Variants in RETREG1 observed in about 807,000 individuals in gnomAD.
RETREG1 encodes the protein family with sequence similarity 134 member B.
Under a neutral mutation model 54.8 loss-of-function variants are expected in RETREG1, and 44 were observed. The observed-to-expected ratio is 0.80, with a 90% CI of 0.63 to 1.03. RETREG1 has a LOEUF of 1.03. RETREG1 is among the 50% of genes least tolerant of loss of function. The probability of loss-of-function intolerance (pLI) is 0.00; values close to 1 mark genes in which losing one functional copy is unlikely to be tolerated. For missense variants in RETREG1, 554 were observed against 605.1 expected (o/e 0.92, Z 0.89); for synonymous variants, 217 against 238.5 (o/e 0.91, Z 0.83).
intron 3 of RETREG1, among the ~76,000 whole-genome samples, chr5:16,555,691 C>T (rs893169367): frequency 1.3e-5 from 2 of 152,092 alleles, no homozygotes; most frequent in African/African-American, 4.8e-5. Flanking sequence ...TAAATTAGCA[C>T]TGTATTACCT....
In RETREG1 at chr5:16,481,084, G is replaced by C. The variant is rs1041379300; in HGVS notation, c.595C>G (p.Leu199Val). 6.8e-6 allele frequency: 11 copies of C among 1,610,660 alleles called. No homozygotes were observed. The Admixed American group carries it at 1.8e-4, about 27-fold the overall frequency. Residue 199 changes from leucine (L) to valine (V), a missense_variant, in exon 5 of 9, where the codon CTG becomes GTG. This residue lies in a region of RETREG1 where 347 missense variants were observed against 412.3 expected (regional missense o/e 0.84). Coordinates refer to ENST00000306320, the MANE Select transcript of RETREG1 (RefSeq NM_001034850.3). ...AAAAATGTGCACACACTACAGACCA[G>C]GAGACAAAACTGGAAATAATAGAAA... The part of the protein sequence containing the change: ...KQQSPGKFCL[L>V]VCSVCTFFTI...
At position 16,593,569 on chromosome 5, in the gene RETREG1, T is replaced by C. The variant is rs1180862098; in HGVS notation, c.321-21467A>G. Reference sequence around the variant, plus strand: ...ATCATAATAATGACAGCTTGCCAAATTGGGGGAAAAAAAAAACTATGGGGA... The same window carrying C: ...ATCATAATAATGACAGCTTGCCAAACTGGGGGAAAAAAAAAACTATGGGGA... On this transcript the variant is annotated intron_variant, in intron 1 of 8. Coordinates refer to ENST00000306320, the MANE Select transcript of RETREG1 (RefSeq NM_001034850.3). This position sits in a 1 kb window ranked among gnomAD's most constrained non-coding sequence, Gnocchi z 4.9. Among the ~76,000 whole-genome samples the C allele has an allele frequency of 6.6e-6, 1 of 151,786 alleles. No homozygotes were observed. Among genetic ancestry groups the C allele is most frequent in the Non-Finnish European group, 1.5e-5 (1 of 67,930 alleles).
chr5:16,537,658 A>C (rs976768633), intron 3 of RETREG1, among the ~76,000 whole-genome samples: 3 of 152,170 alleles, frequency 2.0e-5, no homozygotes, highest in African/African-American at 7.2e-5. Flanking sequence ...AGTTCGTACC[A>C]CTGCACTCCA....
chr5:16,605,459 A>T (rs1249270435), intron 1 of RETREG1, among the ~76,000 whole-genome samples: 1 of 152,112 alleles, frequency 6.6e-6, no homozygotes, highest in African/African-American at 2.4e-5. Flanking sequence ...TGGAATACCC[A>T]CCCAGGCATC....
chr5:16,515,136 G>T (rs1342693044), intron 3 of RETREG1, among the ~76,000 whole-genome samples: 1 of 151,920 alleles, frequency 6.6e-6, no homozygotes, highest in Non-Finnish European at 1.5e-5. Context: ...GGGATTGCTG[G>T]ATCAAATGAT....
At chr5:16,616,481 G>T in intron 1 of RETREG1, 171 bp downstream of exon 1, 1 of 1,173,254 alleles carries the variant, frequency 8.5e-7, no homozygotes, top group Non-Finnish European at 1.1e-6. Context: ...CCGGAGGAAA[G>T]TTGCGGTGAG....
At chr5:16,518,723 A>C (rs1186763563) in intron 3 of RETREG1, among the ~76,000 whole-genome samples, 1 of 152,160 alleles carries the variant, frequency 6.6e-6, no homozygotes, top group Non-Finnish European at 1.5e-5. Context: ...ATTTTTGCTC[A>C]AGTCAGAGCA....
chr5:16,543,655 G>A (rs1271504224), intron 3 of RETREG1, among the ~76,000 whole-genome samples: 7 of 145,062 alleles, frequency 4.8e-5, no homozygotes, highest in Middle Eastern at 7.4e-3. Flanking sequence ...CAGCCGGGGC[G>A]ACAGGGAGAG....
intron 3 of RETREG1, chr5:16,508,578 C>T (rs1439732529): frequency 3.1e-6 from 5 of 1,613,822 alleles, no homozygotes. Context: ...TCACAATTAC[C>T]TTTTGCCTGG....
At chr5:16,592,167 C>T (rs377594665) in intron 1 of RETREG1, among the ~76,000 whole-genome samples, 10 of 152,270 alleles carry the variant, frequency 6.6e-5, no homozygotes, top group African/African-American at 1.4e-4. Context: ...AACTTCAAGT[C>T]CACTGTACCA....
At chr5:16,503,662 CAAA>C (rs1330647063) in intron 3 of RETREG1, among the ~76,000 whole-genome samples, 1 of 91,698 alleles carries the variant, frequency 1.1e-5, no homozygotes, top group African/African-American at 4.1e-5. Context: ...GACTCCATCT[CAAA>C]AAAAAAAAAA....
intron 8 of RETREG1, among the ~76,000 whole-genome samples, chr5:16,477,067 C>T (rs1447289462): frequency 6.6e-6 from 1 of 152,138 alleles, no homozygotes; most frequent in African/African-American, 2.4e-5. Context: ...CTATCTTTCT[C>T]TCCCACATTA....
chr5:16,484,019 A>G (rs26380), intron 3 of RETREG1, among the ~76,000 whole-genome samples: 107,463 of 151,902 alleles, frequency 0.71, 38,465 homozygotes, highest in African/African-American at 0.8. Flanking sequence ...TTAAGCATAC[A>G]ATATTAAGAA....
intron 1 of RETREG1, chr5:16,616,337 T>C (rs1743507903): frequency 1.1e-5 from 4 of 355,868 alleles, no homozygotes; most frequent in East Asian, 5.9e-5. Context: ...CTCAGAGTTT[T>C]AGAAAGCAGG....
intron 1 of RETREG1, among the ~76,000 whole-genome samples, chr5:16,591,558 C>A (rs1742775404): frequency 6.6e-6 from 1 of 152,220 alleles, no homozygotes. Context: ...CCCCCTCCCA[C>A]GCCATTTACC....
At chr5:16,503,541 C>T (rs886621279) in intron 3 of RETREG1, among the ~76,000 whole-genome samples, 1 of 151,438 alleles carries the variant, frequency 6.6e-6, no homozygotes, top group South Asian at 2.1e-4. Context: ...TGGTGGCAGG[C>T]GCCTGTAATC....
At chr5:16,521,245 C>T (rs1023792882) in intron 3 of RETREG1, among the ~76,000 whole-genome samples, 3 of 152,130 alleles carry the variant, frequency 2.0e-5, no homozygotes, top group African/African-American at 7.2e-5. Flanking sequence ...ATTCTTCTCC[C>T]CTCCCATCCT....
chr5:16,503,198 A>G (rs1450523864), intron 3 of RETREG1, among the ~76,000 whole-genome samples: 1 of 152,216 alleles, frequency 6.6e-6, no homozygotes, highest in African/African-American at 2.4e-5. Flanking sequence ...CAGATATCTC[A>G]CGCAAAACAA....
intron 1 of RETREG1, among the ~76,000 whole-genome samples, chr5:16,592,813 T>C (rs1742811659): frequency 6.6e-6 from 1 of 152,014 alleles, no homozygotes; most frequent in Admixed American, 6.6e-5. Flanking sequence ...AAATAACACA[T>C]GTTCTCACTT....
Sources: allele counts gnomAD v4.1 joint callset (sites outside exome capture counted in the v4.1 genomes callset), GRCh38; gene constraint gnomAD v4.1.1; regional missense constraint gnomAD v4.1.1; non-coding constraint Gnocchi (gnomAD v3.1); transcripts MANE v1.5; gene names NCBI Gene and HGNC (gene_info 2026-07-23, HGNC 2026-07-21).